Variants in ITCH observed in about 807,000 individuals in gnomAD.
ITCH encodes the protein itchy E3 ubiquitin protein ligase.
A neutral mutation model predicts 126.8 loss-of-function variants in ITCH; 28 were observed. The observed-to-expected ratio is 0.22, with a 90% CI of 0.16 to 0.30. The LOEUF is 0.30. Among genes scored for constraint, ITCH ranks in the 10% least tolerant of loss-of-function variants. ITCH has a pLI of 1.00. For synonymous variants in ITCH, 342 were observed against 340.0 expected, an observed-to-expected ratio of 1.01 and a Z score of -0.06; for missense variants, 631 against 1,032.4, an observed-to-expected ratio of 0.61 and a Z score of 5.33.
intron 6 of ITCH, among the ~76,000 whole-genome samples, 189 bp downstream of exon 6, chr20:34,414,068 G>A (rs936534872): frequency 3.3e-5 from 5 of 150,914 alleles, no homozygotes; most frequent in Middle Eastern, 6.8e-3. Context: ...GCTTGAGCTT[G>A]GAGGTTGAGG....
intron 3 of ITCH, chr20:34,401,759 A>G (rs1382448648): frequency 2.4e-6 from 1 of 420,698 alleles, no homozygotes. Flanking sequence ...CCTAAAAAAG[A>G]GGAGGGGGAA....
At chr20:34,369,746 A>ATATG (rs2037548837) in intron 2 of ITCH, among the ~76,000 whole-genome samples, 1 of 152,116 alleles carries the variant, frequency 6.6e-6, no homozygotes, top group African/African-American at 2.4e-5. Context: ...TGTTTTATAC[A>ATATG]CGTTTATCTC....
intron 7 of ITCH, among the ~76,000 whole-genome samples, chr20:34,426,407 C>CT (rs1197220352): frequency 1.3e-5 from 2 of 151,742 alleles, no homozygotes; most frequent in Non-Finnish European, 2.9e-5. Flanking sequence ...TTGTATTAGT[C>CT]TATCTGCATT....
chr20:34,406,047 A>G (rs141100271), intron 3 of ITCH, among the ~76,000 whole-genome samples: 1 of 149,966 alleles, frequency 6.7e-6, no homozygotes, highest in Non-Finnish European at 1.5e-5. Context: ...TTTAAAAGAC[A>G]GTTTTGCTCT....
chr20:34,433,897 G>T (rs1280320733), intron 7 of ITCH, among the ~76,000 whole-genome samples: 2 of 152,046 alleles, frequency 1.3e-5, no homozygotes, highest in Non-Finnish European at 2.9e-5. Flanking sequence ...TGTCTTGGTG[G>T]TAATTATCTC....
chr20:34,388,023 A>G (rs1417219708), intron 2 of ITCH, among the ~76,000 whole-genome samples: 1 of 152,056 alleles, frequency 6.6e-6, no homozygotes, highest in East Asian at 1.9e-4. Context: ...TTCAAACTGT[A>G]TCTTCATTGG....
At chr20:34,492,978 T>G (rs1989621406) in intron 23 of ITCH, among the ~76,000 whole-genome samples, 2 of 152,212 alleles carry the variant, frequency 1.3e-5, no homozygotes, top group Admixed American at 1.3e-4. Context: ...AAACCACTCT[T>G]CCCTGGGAGA....
At chr20:34,456,170 GTGTGTGTGTGTGTGTATATATATATATA>G (rs1353786767) in intron 12 of ITCH, among the ~76,000 whole-genome samples, 1 of 33,124 alleles carries the variant, frequency 3.0e-5, no homozygotes, top group Non-Finnish European at 4.8e-5. Flanking sequence ...GTGTGTGTGT[GTGTGTGTGTGTGTGTATATATATATATA>G]TATATATATA....
intron 3 of ITCH, among the ~76,000 whole-genome samples, chr20:34,397,534 T>TCA (rs2038720282): frequency 6.6e-6 from 1 of 152,304 alleles, no homozygotes; most frequent in Admixed American, 6.5e-5. Flanking sequence ...ATAGGTTAGG[T>TCA]CACAGATCAT....
chr20:34,366,400 T>A (rs1178372381), intron 1 of ITCH, among the ~76,000 whole-genome samples: 1 of 152,016 alleles, frequency 6.6e-6, no homozygotes, highest in African/African-American at 2.4e-5. Context: ...ATTTTTAAAA[T>A]TTTTTTGTAG....
At chr20:34,489,492 T>C in intron 21 of ITCH, 106 bp downstream of exon 21, 1 of 1,091,808 alleles carries the variant, frequency 9.2e-7, no homozygotes, top group Non-Finnish European at 1.4e-6. Flanking sequence ...AATATTTTTA[T>C]ACTGGGGCAA....
intron 2 of ITCH, among the ~76,000 whole-genome samples, chr20:34,388,543 TC>T (rs1204250097): frequency 1.3e-5 from 2 of 152,038 alleles, no homozygotes; most frequent in Non-Finnish European, 2.9e-5. Context: ...TACCACCACA[TC>T]CAGCTAATTT....
At position 34,440,161 on chromosome 20, in the gene ITCH, T is replaced by C. The variant is rs1294659184; in HGVS notation, c.686T>C (p.Val229Ala). 1.2e-6 allele frequency: 2 copies of C among 1,610,446 alleles called. No individual in the cohort carries two copies. Among genetic ancestry groups the C allele is most frequent in the Non-Finnish European group, 8.5e-7 (1 of 1,176,664 alleles). Residue 229 changes from valine (V) to alanine (A), a missense_variant, in exon 9 of 25, where the codon GTC becomes GCC. Physicochemically the swap from Val to Ala is moderately conservative, Grantham distance 64. This residue lies in a region of ITCH where 220 missense variants were observed against 265.7 expected (regional missense o/e 0.83). Transcript: ENST00000374864. Reference protein sequence around the residue: ...PPPTPRRPASVNGSPSATSES... With the variant: ...PPPTPRRPASANGSPSATSES... ...TTCCCCAAATCTTTTATAGCATCTG[T>C]CAATGGTTCACCATCTGCCACTTCT... is the stretch of plus-strand genomic sequence containing the variant.
At chr20:34,402,598 T>C (rs1205095821) in intron 3 of ITCH, 2 of 661,426 alleles carry the variant, frequency 3.0e-6, no homozygotes, top group Non-Finnish European at 5.7e-6. Flanking sequence ...TGTTATTGCA[T>C]AGTTGTCAAA....
At chr20:34,482,138 A>C (rs1443695963) in intron 20 of ITCH, among the ~76,000 whole-genome samples, 30 of 152,196 alleles carry the variant, frequency 2.0e-4, no homozygotes. Flanking sequence ...ATTCTCTCTT[A>C]CAACACATGG....
intron 3 of ITCH, among the ~76,000 whole-genome samples, chr20:34,403,378 A>G (rs565677899): frequency 3.9e-5 from 6 of 152,320 alleles, no homozygotes; most frequent in Admixed American, 2.0e-4. Flanking sequence ...CATGAAAACT[A>G]TTTGCATTAG....
intron 14 of ITCH, among the ~76,000 whole-genome samples, chr20:34,468,058 G>A (rs1413168437): frequency 4.2e-5 from 6 of 144,248 alleles, no homozygotes; most frequent in South Asian, 2.2e-4. Context: ...TTTTTGAGAC[G>A]GAGTCTCACT....
intron 15 of ITCH, 35 bp from the exon 16 acceptor site, chr20:34,471,409 G>C (rs1987609035): frequency 7.9e-7 from 1 of 1,269,694 alleles, no homozygotes; most frequent in South Asian, 1.2e-5. Context: ...CTATTTTAAT[G>C]ATGAGAGTTG....
chr20:34,446,065 T>C (rs1297293924), intron 11 of ITCH, among the ~76,000 whole-genome samples: 2 of 152,202 alleles, frequency 1.3e-5, no homozygotes, highest in East Asian at 3.8e-4. Context: ...GCATTAATAG[T>C]GTAAGTACTC....
Sources: gnomAD v4.1 joint callset for allele counts (sites outside exome capture counted in the v4.1 genomes callset) on GRCh38, gnomAD v4.1.1 for gene constraint, gnomAD v4.1.1 regional missense constraint, MANE v1.5 for transcripts, NCBI Gene and HGNC (gene_info 2026-07-23, HGNC 2026-07-21) for gene names.